Variants in CNTN4 observed in about 807,000 individuals in gnomAD.
CNTN4 encodes the protein contactin-4.
CNTN4 carries 77 observed loss-of-function variants against 122.5 expected under a neutral mutation model. That is an observed-to-expected ratio of 0.63 (90% CI 0.52 to 0.76). The LOEUF is 0.76. Among genes scored for constraint, CNTN4 ranks in the 30% least tolerant of loss-of-function variants. The probability of loss-of-function intolerance (pLI) is 0.00; values close to 1 mark genes in which losing one functional copy is unlikely to be tolerated. For synonymous variants in CNTN4, 512 were observed against 447.0 expected, an observed-to-expected ratio of 1.15 and a Z score of -1.83; for missense variants, 1,256 against 1,259.1, an observed-to-expected ratio of 1.00 and a Z score of 0.04.
At chr3:2,215,116 C>T (rs1352506320) in intron 2 of CNTN4, among the ~76,000 whole-genome samples, 1 of 152,160 alleles carries the variant, frequency 6.6e-6, no homozygotes, top group Non-Finnish European at 1.5e-5. Context: ...TTTTCTGCCT[C>T]TTCAGATGTA....
At chr3:2,398,618 T>G (rs1475859096) in intron 3 of CNTN4, among the ~76,000 whole-genome samples, 1 of 152,122 alleles carries the variant, frequency 6.6e-6, no homozygotes, top group Non-Finnish European at 1.5e-5. Context: ...ATAGGGTAGA[T>G]TTAGACCTGA....
chr3:2,783,048 G>A (rs963846514), intron 6 of CNTN4, among the ~76,000 whole-genome samples: 2 of 152,194 alleles, frequency 1.3e-5, no homozygotes, highest in African/African-American at 2.4e-5. Context: ...GGAGGCAGAC[G>A]TGGGAGGATC....
rs1316509729 is a variant in CNTN4 at position 2,238,884 on chromosome 3, G to T, written c.-144-100294G>T. ...CTGGGACTACAGGCGCCGCCACCAC[G>T]CCTGGCTAATTTTTGTATTTTTAGT... On this transcript the variant is annotated intron_variant, in intron 2 of 24. Transcript: ENST00000418658. 2 of 54,662 alleles carry T rather than the reference G, an allele frequency of 3.7e-5. 1 individual carries two copies. Among genetic ancestry groups the T allele is most frequent in the East Asian group, 5.7e-3 (2 of 348 alleles). The allele number at this position is 54,662 out of a possible 1,614,324, so 3.4% of individuals were successfully genotyped here. A position where few individuals can be genotyped will look rare whatever the true frequency, so the allele number is the denominator to read the frequency against.
chr3:2,293,622 T>G (rs2042207990), intron 2 of CNTN4, among the ~76,000 whole-genome samples: 1 of 152,196 alleles, frequency 6.6e-6, no homozygotes, highest in Non-Finnish European at 1.5e-5. Flanking sequence ...ATAAACAAGA[T>G]AAATGTGTTG....
chr3:2,462,939 G>A (rs1347324922), intron 3 of CNTN4, among the ~76,000 whole-genome samples: 2 of 152,130 alleles, frequency 1.3e-5, no homozygotes, highest in Non-Finnish European at 2.9e-5. Context: ...TTTCTTTGCT[G>A]TCTTTGAACT....
In CNTN4 at chr3:2,548,812, G is replaced by T. The variant is rs147090595; in HGVS notation, c.-88-22604G>T. Among the ~76,000 whole-genome samples, 772 of 152,276 alleles carry T rather than the reference G, an allele frequency of 5.1e-3. 2 individuals carry two copies. Among genetic ancestry groups the T allele is most frequent in the Non-Finnish European group, 8.8e-3 (597 of 68,012 alleles). On this transcript the variant is annotated intron_variant, in intron 3 of 24. Coordinates refer to ENST00000418658, the MANE Select transcript of CNTN4 (RefSeq NM_175607.3). Reference sequence around the variant, plus strand: ...ATTGATTCTTCCTATCCATGAGCATGGAATGTTTTTCCTTTTGTTTGCGTC... The same window carrying T: ...ATTGATTCTTCCTATCCATGAGCATTGAATGTTTTTCCTTTTGTTTGCGTC...
At chr3:2,481,131 C>G (rs958069063) in intron 3 of CNTN4, among the ~76,000 whole-genome samples, 1 of 145,066 alleles carries the variant, frequency 6.9e-6, no homozygotes, top group African/African-American at 2.6e-5. Flanking sequence ...CTCCCTCTTT[C>G]TTTCTCTCTT....
chr3:2,452,274 T>C lies in CNTN4; in HGVS notation c.-89+113041T>C, dbSNP rs11921041. Among the ~76,000 whole-genome samples, 789 of 152,302 alleles carry C rather than the reference T, an allele frequency of 5.2e-3. 9 individuals carry two copies. The highest frequency in any genetic ancestry group is 0.018 in the African/African-American group (729 of 41,572). The stretch of plus-strand genomic sequence containing the variant: ...TTAGGCCGTTGGGAAGGAAGGTCTC[T>C]GCATCCCATCTGAGCCCCAGCAATA... On this transcript the variant is annotated intron_variant, in intron 3 of 24. Transcript: ENST00000418658.
At chr3:2,789,678 G>A (rs1032441058) in intron 6 of CNTN4, among the ~76,000 whole-genome samples, 29 of 152,332 alleles carry the variant, frequency 1.9e-4, no homozygotes, top group African/African-American at 6.5e-4. Flanking sequence ...TGATCCACCT[G>A]CCTTGGCCTC....
chr3:2,878,553 C>CTGTGTGTGTGTGTGTGTGTGTGTGTG, intron 8 of CNTN4, among the ~76,000 whole-genome samples: 1 of 146,950 alleles, frequency 6.8e-6, no homozygotes, highest in South Asian at 2.2e-4. Context: ...GAGATGCTCT[C>CTGTGTGTGTGTGTGTGTGTGTGTGTG]TGTGTGTGTG....
intron 7 of CNTN4, among the ~76,000 whole-genome samples, chr3:2,855,189 C>G (rs113863052): frequency 2.6e-5 from 4 of 152,318 alleles, no homozygotes; most frequent in African/African-American, 9.6e-5. Flanking sequence ...AACCACAGGC[C>G]TGGCACATCA....
intron 2 of CNTN4, among the ~76,000 whole-genome samples, chr3:2,325,079 C>A (rs1040649890): frequency 1.3e-5 from 2 of 152,156 alleles, no homozygotes; most frequent in South Asian, 4.1e-4. Context: ...CAGATCAAAG[C>A]TATTTTTGTA....
intron 4 of CNTN4, among the ~76,000 whole-genome samples, chr3:2,716,569 T>A (rs951143736): frequency 1.6e-4 from 24 of 152,178 alleles, no homozygotes; most frequent in African/African-American, 5.1e-4. Flanking sequence ...AAGGACTTCA[T>A]AAAAATTGGC....
At chr3:2,688,701 A>T (rs562963954) in intron 4 of CNTN4, among the ~76,000 whole-genome samples, 31 of 152,288 alleles carry the variant, frequency 2.0e-4, no homozygotes, top group African/African-American at 7.5e-4. Context: ...TCATCCAGTT[A>T]CCAGCTGAAT....
intron 15 of CNTN4, among the ~76,000 whole-genome samples, chr3:3,028,394 C>G (rs1033659853): frequency 1.1e-4 from 16 of 152,074 alleles, no homozygotes; most frequent in African/African-American, 3.9e-4. Context: ...AGACTCTTAC[C>G]TCACTCCTCA....
At chr3:2,158,142 T>G (rs1408092654) in intron 2 of CNTN4, among the ~76,000 whole-genome samples, 1 of 152,204 alleles carries the variant, frequency 6.6e-6, no homozygotes, top group Admixed American at 6.5e-5. Context: ...TTTTAAACCC[T>G]GGTAATTAGG....
chr3:2,659,415 T>C (rs1008565963), intron 4 of CNTN4, among the ~76,000 whole-genome samples: 8 of 127,204 alleles, frequency 6.3e-5, no homozygotes, highest in African/African-American at 1.2e-4. Flanking sequence ...TGAGCCGAGA[T>C]CACATCACTG....
At chr3:2,714,671 T>A (rs879889221) in intron 4 of CNTN4, among the ~76,000 whole-genome samples, 2 of 152,146 alleles carry the variant, frequency 1.3e-5, no homozygotes, top group Admixed American at 6.5e-5. Flanking sequence ...AGTGGGAGCT[T>A]ACTCAGCCTG....
At chr3:2,925,928 G>C (rs1358012679) in intron 13 of CNTN4, 149 bp downstream of exon 13, 7 of 696,510 alleles carry the variant, frequency 1.0e-5, no homozygotes, top group African/African-American at 1.8e-5. Context: ...AGGATGAGTG[G>C]TAAGTTATTG....
Sources: gnomAD v4.1 joint callset for allele counts (sites outside exome capture counted in the v4.1 genomes callset) on GRCh38, gnomAD v4.1.1 for gene constraint, MANE v1.5 for transcripts, NCBI Gene and HGNC (gene_info 2026-07-23, HGNC 2026-07-21) for gene names.